The following ANKAR variants were observed in gnomAD, a reference collection of about 807,000 sequenced individuals.
ANKAR encodes ankyrin and armadillo repeat-containing protein.
Under a neutral mutation model 146.2 loss-of-function variants are expected in ANKAR, and 136 were observed. The observed-to-expected ratio is 0.93, with a 90% CI of 0.81 to 1.07. ANKAR has a LOEUF of 1.07. Among genes scored for constraint, ANKAR ranks in the 50% least tolerant of loss-of-function variants. The pLI is 0.00. For synonymous variants in ANKAR, 500 were observed against 575.8 expected, an observed-to-expected ratio of 0.87 and a Z score of 1.88; for missense variants, 1,567 against 1,679.9, an observed-to-expected ratio of 0.93 and a Z score of 1.18.
At chr2:189,696,976 T>C (rs999396478) in intron 7 of ANKAR, among the ~76,000 whole-genome samples, 2 of 152,196 alleles carry the variant, frequency 1.3e-5, no homozygotes, top group Non-Finnish European at 2.9e-5. Context: ...CTTTAAAAGC[T>C]ATTTTTGTGA....
At chr2:189,714,487 T>G (rs560559622) in intron 10 of ANKAR, among the ~76,000 whole-genome samples, 1 of 152,296 alleles carries the variant, frequency 6.6e-6, no homozygotes, top group East Asian at 1.9e-4. Context: ...ACATGGAAAC[T>G]GAACAACCTG....
At chr2:189,732,201 A>C (rs951269626) in intron 16 of ANKAR, among the ~76,000 whole-genome samples, 2 of 152,204 alleles carry the variant, frequency 1.3e-5, no homozygotes, top group East Asian at 3.8e-4. Flanking sequence ...TTTTCATAGA[A>C]ATGCATAGTA....
chr2:189,728,675 T>C lies in ANKAR; in HGVS notation c.3047T>C (p.Ile1016Thr), dbSNP rs970363045. The C allele has an allele frequency of 6.2e-7, 1 of 1,613,684 alleles. No individual in the cohort carries two copies. The highest frequency in any genetic ancestry group is 1.3e-5 in the African/African-American group (1 of 74,904). Residue 1016 changes from isoleucine (I) to threonine (T), a missense_variant, in exon 15 of 23, where the codon ATA becomes ACA. Ile to Thr is a moderately conservative substitution (Grantham distance 89, BLOSUM62 -1). Transcript: ENST00000684021. ...TCTTTATCAGGAGGTGAAGCTGTCA[T>C]AGCTCTAAGTAAGGACAGCAGGATG... The part of the protein sequence containing the change: ...KMQYVGGEAV[I>T]ALSKDSRMHQ...
intron 19 of ANKAR, 105 bp from the exon 20 acceptor site, chr2:189,741,237 A>C (rs1044462644): frequency 4.6e-6 from 3 of 650,184 alleles, no homozygotes; most frequent in Middle Eastern, 7.5e-4. Context: ...ATTGACAGAG[A>C]TGTCTTGTGA....
chr2:189,746,479 CA>C lies in ANKAR; in HGVS notation c.4163del (p.Lys1388ArgfsTer27), dbSNP rs1389551028. 2 of 1,613,544 alleles carry C rather than the reference CA, an allele frequency of 1.2e-6. No homozygotes were observed. The highest frequency in any genetic ancestry group is 2.2e-5 in the East Asian group (1 of 44,844). The stretch of plus-strand genomic sequence containing the variant: ...AACTTCATGGGACTCTTCAAAGCAA[CA>C]AAAAAGACCAAGGATTCCCATAATA... ...VTNFMGLFKA[T>X]KKTKDSHNIF... On this transcript the variant is annotated frameshift_variant, in exon 23 of 23. Coordinates refer to ENST00000684021, the MANE Select transcript of ANKAR (RefSeq NM_001378068.1). LOFTEE classifies it high-confidence loss of function.
intron 18 of ANKAR, among the ~76,000 whole-genome samples, chr2:189,760,519 G>C (rs993518560): frequency 2.0e-5 from 3 of 152,176 alleles, no homozygotes; most frequent in African/African-American, 7.2e-5. Flanking sequence ...CCAGCCCGGC[G>C]CGGTGTCTCA....
Position 189,746,524 on chromosome 2 carries a change from CA to C in ANKAR, c.4204del (p.Ile1402LeufsTer13). On this transcript the variant is annotated frameshift_variant, in exon 23 of 23. Coordinates refer to ENST00000684021, the MANE Select transcript of ANKAR (RefSeq NM_001378068.1). LOFTEE classifies it high-confidence loss of function. ...DSHNIFSFSSTITSDITNVSR... is the reference protein window; with the variant it reads ...DSHNIFSFSSXITSDITNVSR... The stretch of plus-strand genomic sequence containing the variant: ...CATAATATTTTTTCTTTTTCATCTA[CA>C]ATTACATCAGATATCACAAATGTAT... 4.3e-6 allele frequency: 7 copies of C among 1,613,812 alleles called. No homozygotes were observed. Among genetic ancestry groups the C allele is most frequent in the Non-Finnish European group, 5.9e-6 (7 of 1,179,858 alleles).
chr2:189,755,273 A>G, intron 18 of ANKAR: 6 of 1,613,566 alleles, frequency 3.7e-6, no homozygotes, highest in Non-Finnish European at 5.1e-6. Flanking sequence ...ACCTCCAGAA[A>G]TCAAAAGAAC....
At chr2:189,691,602 G>A (rs2036409911) in intron 3 of ANKAR, among the ~76,000 whole-genome samples, 1 of 151,404 alleles carries the variant, frequency 6.6e-6, no homozygotes, top group Non-Finnish European at 1.5e-5. Flanking sequence ...TCAAGAACTG[G>A]AACAATGTTT....
intron 2 of ANKAR, among the ~76,000 whole-genome samples, chr2:189,680,980 G>A (rs1374100025): frequency 6.7e-6 from 1 of 149,860 alleles, no homozygotes; most frequent in Non-Finnish European, 1.5e-5. Flanking sequence ...AGAGTGCTTG[G>A]TAGTTTCCAA....
chr2:189,693,855 T>C (rs536623665), intron 5 of ANKAR, among the ~76,000 whole-genome samples: 40 of 152,132 alleles, frequency 2.6e-4, no homozygotes, highest in Admixed American at 2.2e-3. Flanking sequence ...TTCAAGTGAT[T>C]CCCCTGCCTC....
chr2:189,702,496 AG>A (rs2038221346), intron 7 of ANKAR, among the ~76,000 whole-genome samples: 2 of 152,086 alleles, frequency 1.3e-5, no homozygotes, highest in African/African-American at 4.8e-5. Flanking sequence ...TGCTCTACTG[AG>A]TTATGATTCT....
intron 7 of ANKAR, 137 bp from the exon 8 acceptor site, chr2:189,704,886 A>T (rs969601581): frequency 5.8e-6 from 4 of 686,394 alleles, no homozygotes; most frequent in Non-Finnish European, 9.1e-6. Context: ...GGTTGTCTAA[A>T]TTTTTTTTTA....
chr2:189,760,167 G>A (rs2046786631), intron 18 of ANKAR, among the ~76,000 whole-genome samples: 1 of 152,188 alleles, frequency 6.6e-6, no homozygotes, highest in Admixed American at 6.5e-5. Flanking sequence ...TTTCTACACA[G>A]ACATATTAAC....
chr2:189,691,127 C>T (rs544186951), intron 3 of ANKAR, among the ~76,000 whole-genome samples: 1 of 152,322 alleles, frequency 6.6e-6, no homozygotes, highest in East Asian at 1.9e-4. Flanking sequence ...ACGATCTCGA[C>T]TCACTGCAAC....
rs567048754 is a variant in ANKAR, at chr2:189,707,150, A to G, written c.2119+4A>G. On this transcript the variant is annotated splice_donor_region_variant and intron_variant, in intron 9 of 22. Coordinates refer to ENST00000684021, the MANE Select transcript of ANKAR (RefSeq NM_001378068.1). ...CCAGTGTGGAAAACTTTGGTAGGTG[A>G]GTATAATCTCTTTATAAATACATGT... 7.5e-6 allele frequency: 11 copies of G among 1,461,660 alleles called. No homozygotes were observed. In the African/African-American group the frequency reaches 1.4e-4, roughly 19 times the overall value. The allele number at this position is 1,461,660 out of a possible 1,614,324, so 90.5% of individuals were successfully genotyped here.
chr2:189,742,554 A>G (rs189584656), intron 20 of ANKAR, among the ~76,000 whole-genome samples: 2 of 151,892 alleles, frequency 1.3e-5, no homozygotes, highest in African/African-American at 4.8e-5. Flanking sequence ...TTAAAAAAAA[A>G]TTTTTTTAAA....
chr2:189,735,677 T>G (rs1487483413), intron 17 of ANKAR, among the ~76,000 whole-genome samples: 2 of 152,226 alleles, frequency 1.3e-5, no homozygotes, highest in Non-Finnish European at 2.9e-5. Context: ...GCCACATTGA[T>G]ACTGTCTACA....
At chr2:189,719,401 G>C (rs2040975854) in intron 10 of ANKAR, among the ~76,000 whole-genome samples, 171 bp from the exon 11 acceptor site, 1 of 152,014 alleles carries the variant, frequency 6.6e-6, no homozygotes, top group African/African-American at 2.4e-5. Context: ...AAGATGGAAG[G>C]TTTCTTCATG....
Sources: allele counts gnomAD v4.1 joint callset (sites outside exome capture counted in the v4.1 genomes callset), GRCh38; gene constraint gnomAD v4.1.1; transcripts MANE v1.5; gene names NCBI Gene and HGNC (gene_info 2026-07-23, HGNC 2026-07-21).